The following P3H2 variants were observed in gnomAD, a reference collection of about 807,000 sequenced individuals.
The protein encoded by P3H2 is prolyl 3-hydroxylase 2.
A neutral mutation model predicts 87.0 loss-of-function variants in P3H2; 80 were observed. The observed-to-expected ratio is 0.92, with a 90% CI of 0.77 to 1.11. The LOEUF (loss-of-function observed/expected upper bound fraction) is 1.11. Among genes scored for constraint, P3H2 ranks in the 50% least tolerant of loss-of-function variants. P3H2 has a pLI of 0.00. For synonymous variants in P3H2, 367 were observed against 359.3 expected (o/e 1.02, Z -0.24); for missense variants, 1,001 against 923.9 (o/e 1.08, Z -1.08).
chr3:190,059,578 C>G lies in P3H2; in HGVS notation c.480+60674G>C, dbSNP rs116246999. On this transcript the variant is annotated intron_variant, in intron 1 of 14. Transcript: ENST00000319332. The stretch of plus-strand genomic sequence containing the variant: ...GTGACATTTTCCTATTTGTCATTAT[C>G]CTTACTTCACTGCTTTCCTCCAACG... Among the ~76,000 whole-genome samples, 784 of 152,198 alleles carry G rather than the reference C, an allele frequency of 5.2e-3. 9 individuals carry two copies. The highest frequency in any genetic ancestry group is 0.018 in the African/African-American group (749 of 41,542).
chr3:190,088,888 A>G lies in P3H2; in HGVS notation c.480+31364T>C, dbSNP rs547804715. On this transcript the variant is annotated intron_variant, in intron 1 of 14. Coordinates refer to ENST00000319332, the MANE Select transcript of P3H2 (RefSeq NM_018192.4). ...ACCAAACTCCCTCTACCTTTGGAAT[A>G]TAGCGTGTTCGACCCCTACCTATAG... is the stretch of plus-strand genomic sequence containing the variant. Among the ~76,000 whole-genome samples, 19 of 152,292 alleles carry G rather than the reference A, an allele frequency of 1.2e-4. No individual in the cohort carries two copies. The South Asian group carries it at 3.9e-3, about 32-fold the overall frequency.
chr3:190,035,520 T>C (rs1725392151), intron 1 of P3H2, among the ~76,000 whole-genome samples: 1 of 152,230 alleles, frequency 6.6e-6, no homozygotes, highest in Non-Finnish European at 1.5e-5. Flanking sequence ...TTGTAAACCC[T>C]TGAATAAATT....
intron 1 of P3H2, among the ~76,000 whole-genome samples, chr3:190,028,361 A>G (rs1725148359): frequency 6.6e-6 from 1 of 152,176 alleles, no homozygotes; most frequent in African/African-American, 2.4e-5. Context: ...CTTGCAGAGC[A>G]CTCAGGTTTA....
chr3:190,080,054 C>G (rs1213610564), intron 1 of P3H2, among the ~76,000 whole-genome samples: 2 of 152,086 alleles, frequency 1.3e-5, no homozygotes, highest in Non-Finnish European at 2.9e-5. Context: ...TAAGTAGAGG[C>G]ATAAAAAATT....
intron 14 of P3H2, among the ~76,000 whole-genome samples, chr3:189,958,799 G>A (rs1722720720): frequency 6.6e-6 from 1 of 150,872 alleles, no homozygotes; most frequent in South Asian, 2.1e-4. Context: ...TGCCTCCCGG[G>A]TTCAAGCGAT....
intron 1 of P3H2, among the ~76,000 whole-genome samples, chr3:190,046,840 T>C (rs913630541): frequency 2.6e-5 from 4 of 152,162 alleles, no homozygotes. Flanking sequence ...TAATTGGTAT[T>C]GTAGAAGACC....
chr3:189,984,918 T>C (rs976393776), intron 6 of P3H2, among the ~76,000 whole-genome samples: 1 of 152,148 alleles, frequency 6.6e-6, no homozygotes, highest in African/African-American at 2.4e-5. Flanking sequence ...TCAGTTCAAC[T>C]TCTTTATGTT....
intron 1 of P3H2, among the ~76,000 whole-genome samples, chr3:190,084,061 T>C (rs1727136349): frequency 6.6e-6 from 1 of 152,190 alleles, no homozygotes. Context: ...AAGAAGATGA[T>C]TTAAATGGTG....
At chr3:189,964,221 G>A (rs1722906235) in intron 13 of P3H2, 123 bp from the exon 14 acceptor site, 3 of 896,424 alleles carry the variant, frequency 3.3e-6, no homozygotes, top group Admixed American at 3.8e-5. Flanking sequence ...AGGAATCCTG[G>A]GATTGAAGAT....
At chr3:190,109,862 T>G (rs1170861984) in intron 1 of P3H2, among the ~76,000 whole-genome samples, 2 of 150,892 alleles carry the variant, frequency 1.3e-5, no homozygotes, top group Non-Finnish European at 3.0e-5. Flanking sequence ...TTTTTTTTTT[T>G]TTTTGACACA....
intron 1 of P3H2, among the ~76,000 whole-genome samples, chr3:190,086,854 C>T (rs886281757): frequency 6.6e-6 from 1 of 152,108 alleles, no homozygotes; most frequent in Admixed American, 6.5e-5. Context: ...AAGTATTTTC[C>T]CCAAAAGATT....
intron 1 of P3H2, among the ~76,000 whole-genome samples, chr3:190,028,372 G>A (rs1725148596): frequency 6.6e-6 from 1 of 152,224 alleles, no homozygotes; most frequent in Non-Finnish European, 1.5e-5. Flanking sequence ...CTCAGGTTTA[G>A]AGGCTTAGTG....
At chr3:189,995,550 G>T in intron 1 of P3H2, 108 bp from the exon 2 acceptor site, 4 of 950,720 alleles carry the variant, frequency 4.2e-6, no homozygotes, top group African/African-American at 2.3e-5. Flanking sequence ...GAAACTAGGA[G>T]CCTTGGTTTT....
At chr3:190,101,355 C>A (rs543230008) in intron 1 of P3H2, among the ~76,000 whole-genome samples, 93 of 80,830 alleles carry the variant, frequency 1.2e-3, no homozygotes, top group African/African-American at 4.4e-3. Context: ...ATCAGTTCAC[C>A]AAATCATGAA....
At chr3:190,095,346 A>ATATG (rs1727540609) in intron 1 of P3H2, among the ~76,000 whole-genome samples, 1 of 116,262 alleles carries the variant, frequency 8.6e-6, no homozygotes, top group Non-Finnish European at 1.8e-5. Context: ...ATATATATAT[A>ATATG]TATGGATTAT....
In P3H2 at chr3:190,015,299, T is replaced by C. The variant is rs532538016; in HGVS notation, c.481-19857A>G. Among the ~76,000 whole-genome samples the C allele has an allele frequency of 1.3e-5, 2 of 152,344 alleles. 1 individual carries two copies. The highest frequency in any genetic ancestry group is 1.3e-4 in the Admixed American group (2 of 15,310). Reference sequence around the variant, plus strand: ...ATTTTTAAGATGACTTCCAGTTTCCTATGTTTATCTCTTTAGTTTCTATAA... The same window carrying C: ...ATTTTTAAGATGACTTCCAGTTTCCCATGTTTATCTCTTTAGTTTCTATAA... On this transcript the variant is annotated intron_variant, in intron 1 of 14. Transcript: ENST00000319332.
rs1725601948 is a variant in P3H2 at position 190,041,060 on chromosome 3, ACACACACACACACACACACACT to A, written c.481-45640_481-45619del. 6.7e-5 allele frequency among the ~76,000 whole-genome samples: 3 copies of A among 44,732 alleles called. 1 individual carries two copies. Among genetic ancestry groups the A allele is most frequent in the African/African-American group, 3.8e-4 (3 of 7,848 alleles). 29.3% of individuals were successfully genotyped at this position (44,732 alleles called of 152,430 possible). ...TATACACACACACACACACACACAC[ACACACACACACACACACACACT>A]CTCTCTCTCTATATATATATATATA... On this transcript the variant is annotated intron_variant, in intron 1 of 14. Coordinates refer to ENST00000319332, the MANE Select transcript of P3H2 (RefSeq NM_018192.4).
Position 190,103,632 on chromosome 3 carries a change from A to C in P3H2, c.480+16620T>G, listed in dbSNP as rs138299844. On this transcript the variant is annotated intron_variant, in intron 1 of 14. Transcript: ENST00000319332. ...AAGGGCAGGCTGGTGGCAAGGCTGA[A>C]AGAGCACTGGGACTTTTCCATACTT... Among the ~76,000 whole-genome samples, 4 of 152,290 alleles carry C rather than the reference A, an allele frequency of 2.6e-5. No individual in the cohort carries two copies. The East Asian group carries it at 7.7e-4, about 29-fold the overall frequency.
intron 1 of P3H2, among the ~76,000 whole-genome samples, chr3:190,047,042 A>AAAAC (rs59940920): frequency 0.7 from 95,287 of 135,264 alleles, 30,439 homozygotes; most frequent in Admixed American, 0.77. Flanking sequence ...CAAACAAAAC[A>AAAAC]AAACAAAAAA....
Sources: allele counts gnomAD v4.1 joint callset (sites outside exome capture counted in the v4.1 genomes callset), GRCh38; gene constraint gnomAD v4.1.1; transcripts MANE v1.5; gene names NCBI Gene and HGNC (gene_info 2026-07-23, HGNC 2026-07-21).